ADK: variants seen among roughly 807,000 people sequenced by gnomAD.
ADK encodes N6,N6-dimethyladenosine kinase.
In ADK, 24 loss-of-function variants were observed where a neutral mutation model predicts 44.7. The observed-to-expected ratio is 0.54, with a 90% CI of 0.39 to 0.76. The LOEUF (loss-of-function observed/expected upper bound fraction) is 0.76. ADK is among the 30% of genes least tolerant of loss of function. The pLI, the probability that ADK is intolerant of heterozygous loss-of-function variation, is 0.00. For missense variants in ADK, 321 were observed against 425.1 expected, an observed-to-expected ratio of 0.76 and a Z score of 2.15; for synonymous variants, 128 against 142.6, an observed-to-expected ratio of 0.90 and a Z score of 0.73.
At chr10:74,567,999 C>T (rs1386487644) in intron 7 of ADK, among the ~76,000 whole-genome samples, 1 of 152,036 alleles carries the variant, frequency 6.6e-6, no homozygotes, top group Non-Finnish European at 1.5e-5. Flanking sequence ...GCGCCAGGCC[C>T]TATTCTCTCT....
In ADK at chr10:74,398,592, C is replaced by T; in HGVS notation, c.555+13C>T. 1 of 1,460,634 alleles carries T rather than the reference C, an allele frequency of 6.8e-7. No homozygotes were observed. Among genetic ancestry groups the T allele is most frequent in the Non-Finnish European group, 9.6e-7 (1 of 1,044,098 alleles). 90.5% of individuals were successfully genotyped at this position (1,460,634 alleles called of 1,614,324 possible). On this transcript the variant is annotated intron_variant, in intron 6 of 10. Coordinates refer to ENST00000539909, the MANE Select transcript of ADK (RefSeq NM_006721.4). Reference sequence around the variant, plus strand: ...TTGTTATATAGCAGTAAGTACTTACCTAATTCAAATCTCTAGTACATATTT... The same window carrying T: ...TTGTTATATAGCAGTAAGTACTTACTTAATTCAAATCTCTAGTACATATTT...
chr10:74,436,893 G>A lies in ADK; in HGVS notation c.555+38314G>A, dbSNP rs561961495. On this transcript the variant is annotated intron_variant, in intron 6 of 10. Transcript: ENST00000539909. ...ACAGCAAATAAGCAATAAATAGAAAGAAATGTCATTAAGGTTGGAAAGAAG... is the reference window on the plus strand; with the variant it reads ...ACAGCAAATAAGCAATAAATAGAAAAAAATGTCATTAAGGTTGGAAAGAAG... Among the ~76,000 whole-genome samples the A allele has an allele frequency of 2.6e-5, 4 of 152,136 alleles. No homozygotes were observed. In the South Asian group the frequency reaches 8.3e-4, roughly 32 times the overall value.
At chr10:74,476,856 C>G (rs1280631463) in intron 6 of ADK, among the ~76,000 whole-genome samples, 1 of 152,112 alleles carries the variant, frequency 6.6e-6, no homozygotes, top group East Asian at 1.9e-4. Context: ...TGTAGTTTGG[C>G]ATTTTCTAGA....
intron 4 of ADK, among the ~76,000 whole-genome samples, chr10:74,377,056 G>A (rs772110037): frequency 3.9e-4 from 60 of 152,056 alleles, no homozygotes; most frequent in Non-Finnish European, 8.4e-4. Flanking sequence ...ATATGTTCAG[G>A]TGTAGGTTTT....
At chr10:74,184,969 A>G (rs1191522161) in intron 1 of ADK, among the ~76,000 whole-genome samples, 1 of 152,194 alleles carries the variant, frequency 6.6e-6, no homozygotes, top group Non-Finnish European at 1.5e-5. Context: ...ATGATTTGAA[A>G]TTAGGGATTA....
In ADK at chr10:74,316,159, G is replaced by A. The variant is rs1840611085; in HGVS notation, c.273+1414G>A. Among the ~76,000 whole-genome samples the A allele has an allele frequency of 2.0e-5, 3 of 151,760 alleles. No individual in the cohort carries two copies. In the South Asian group the frequency reaches 6.2e-4, roughly 32 times the overall value. ...GGAGGCTGAGGCCAGAGAATCGGTT[G>A]AACCTGGGCGGTATAGGTTGCAGTG... On this transcript the variant is annotated intron_variant, in intron 4 of 10. Transcript: ENST00000539909.
At chr10:74,644,696 A>C (rs1052383920) in intron 9 of ADK, among the ~76,000 whole-genome samples, 7 of 151,924 alleles carry the variant, frequency 4.6e-5, no homozygotes, top group African/African-American at 1.7e-4. Context: ...CACCCAGCTA[A>C]TTTTTTAATT....
rs1394547379 is a variant in ADK, at chr10:74,371,818, G to T, written c.274-22323G>T. 3.2e-6 allele frequency: 4 copies of T among 1,263,766 alleles called. No homozygotes were observed. In the Admixed American group the frequency reaches 6.7e-5, roughly 21 times the overall value. The allele number at this position is 1,263,766 out of a possible 1,614,324, so 78.3% of individuals were successfully genotyped here. A position where few individuals can be genotyped will look rare whatever the true frequency, so the allele number is the denominator to read the frequency against. On this transcript the variant is annotated intron_variant, in intron 4 of 10. Transcript: ENST00000539909. Reference sequence around the variant, plus strand: ...GTGCTGAAGTTTGCTGCTGCCACTGGAGCCACTCCAATTGTTGGCCACTTC... The same window carrying T: ...GTGCTGAAGTTTGCTGCTGCCACTGTAGCCACTCCAATTGTTGGCCACTTC...
intron 1 of ADK, chr10:74,174,735 G>GTCAAAGTCTTAACCACGCCAAGTATAGC (rs1842272182): frequency 1.3e-5 from 2 of 152,222 alleles, no homozygotes; most frequent in Non-Finnish European, 2.9e-5. Context: ...TGGACCTTCG[G>GTCAAAGTCTTAACCACGCCAAGTATAGC]TCAAAGTCTT....
intron 10 of ADK, among the ~76,000 whole-genome samples, chr10:74,693,368 G>A (rs1299159570): frequency 1.3e-5 from 2 of 152,022 alleles, no homozygotes; most frequent in African/African-American, 2.4e-5. Flanking sequence ...ACCTTTCTTC[G>A]ATCCATCTTA....
At chr10:74,615,417 A>G (rs976865167) in intron 9 of ADK, among the ~76,000 whole-genome samples, 1 of 152,200 alleles carries the variant, frequency 6.6e-6, no homozygotes, top group Non-Finnish European at 1.5e-5. Context: ...GGGTTTTGAC[A>G]AACACATAAG....
intron 3 of ADK, among the ~76,000 whole-genome samples, chr10:74,292,884 C>G (rs1839670409): frequency 6.6e-6 from 1 of 152,224 alleles, no homozygotes; most frequent in South Asian, 2.1e-4. Context: ...CCTTCAATAT[C>G]TTGTCAGCAC....
intron 7 of ADK, among the ~76,000 whole-genome samples, chr10:74,558,305 C>G (rs903134486): frequency 2.0e-5 from 3 of 152,208 alleles, no homozygotes; most frequent in Non-Finnish European, 2.9e-5. Flanking sequence ...TCAGGCAATC[C>G]TCCTGCCTCA....
At chr10:74,449,230 T>TA (rs1183825532) in intron 6 of ADK, among the ~76,000 whole-genome samples, 1 of 152,182 alleles carries the variant, frequency 6.6e-6, no homozygotes, top group African/African-American at 2.4e-5. Context: ...TTTTAAATTT[T>TA]ATTATTATTA....
At chr10:74,457,955 GT>G (rs1846016165) in intron 6 of ADK, among the ~76,000 whole-genome samples, 1 of 152,030 alleles carries the variant, frequency 6.6e-6, no homozygotes, top group African/African-American at 2.4e-5. Context: ...ACCATGGCAT[GT>G]GTATACCTAT....
intron 7 of ADK, among the ~76,000 whole-genome samples, chr10:74,573,289 G>A (rs937457207): frequency 2.0e-5 from 3 of 152,178 alleles, no homozygotes; most frequent in Non-Finnish European, 2.9e-5. Flanking sequence ...GTTTGCCTGG[G>A]TATCAGCAGC....
At chr10:74,182,303 A>C (rs1842587911) in intron 1 of ADK, among the ~76,000 whole-genome samples, 1 of 152,004 alleles carries the variant, frequency 6.6e-6, no homozygotes, top group South Asian at 2.1e-4. Flanking sequence ...TTAAACTAAA[A>C]TTGTTTCATT....
chr10:74,186,857 TC>T (rs765904192), intron 1 of ADK, among the ~76,000 whole-genome samples: 5 of 152,356 alleles, frequency 3.3e-5, no homozygotes, highest in Non-Finnish European at 7.3e-5. Flanking sequence ...CAACAAGTCT[TC>T]TATTGATGGG....
At chr10:74,175,247 G>C (rs11000907) in intron 1 of ADK, among the ~76,000 whole-genome samples, 6,131 of 152,010 alleles carry the variant, frequency 0.04, 436 homozygotes, top group African/African-American at 0.14. Context: ...AGCCAGGTAC[G>C]GTGGCGCATG....
Sources: allele counts gnomAD v4.1 joint callset (sites outside exome capture counted in the v4.1 genomes callset), GRCh38; gene constraint gnomAD v4.1.1; transcripts MANE v1.5; gene names NCBI Gene and HGNC (gene_info 2026-07-23, HGNC 2026-07-21).